FAM13C: variants seen among roughly 807,000 people sequenced by gnomAD.
The protein encoded by FAM13C is protein FAM13C.
In FAM13C, 37 loss-of-function variants were observed where a neutral mutation model predicts 73.2. The observed-to-expected ratio is 0.51, with a 90% CI of 0.39 to 0.67. FAM13C has a LOEUF of 0.67. Among genes scored for constraint, FAM13C ranks in the 30% least tolerant of loss-of-function variants. The pLI, the probability that FAM13C is intolerant of heterozygous loss-of-function variation, is 0.00. For missense variants in FAM13C, 589 were observed against 715.6 expected (o/e 0.82, Z 2.02); for synonymous variants, 246 against 260.9 (o/e 0.94, Z 0.55).
chr10:59,327,306 G>A (rs544745178), intron 3 of FAM13C, among the ~76,000 whole-genome samples: 1 of 152,318 alleles, frequency 6.6e-6, no homozygotes, highest in East Asian at 1.9e-4. Flanking sequence ...CAAAGGTCTT[G>A]TGCTGCCAGC....
intron 1 of FAM13C, among the ~76,000 whole-genome samples, chr10:59,357,988 C>T (rs1401871658): frequency 6.6e-6 from 1 of 152,088 alleles, no homozygotes; most frequent in Non-Finnish European, 1.5e-5. Flanking sequence ...AGTCCTCTTC[C>T]CTTAAAATCT....
At chr10:59,288,999 A>G (rs1245501870) in intron 5 of FAM13C, among the ~76,000 whole-genome samples, 1 of 152,068 alleles carries the variant, frequency 6.6e-6, no homozygotes, top group East Asian at 1.9e-4. Context: ...TCTATGAGTA[A>G]TCTACACTAG....
intron 8 of FAM13C, among the ~76,000 whole-genome samples, chr10:59,265,314 GGTTTTGGC>G (rs1842914699): frequency 1.7e-5 from 1 of 59,040 alleles, no homozygotes; most frequent in African/African-American, 6.9e-5. Context: ...ATAGGGAAGG[GGTTTTGGC>G]GGGGGGGGGG....
intron 2 of FAM13C, among the ~76,000 whole-genome samples, chr10:59,355,378 C>T (rs1257136085): frequency 6.6e-6 from 1 of 152,172 alleles, no homozygotes; most frequent in African/African-American, 2.4e-5. Context: ...AGCTATCATT[C>T]CTAAGTGTCA....
At chr10:59,251,011 T>TA (rs1419527985) in intron 13 of FAM13C, among the ~76,000 whole-genome samples, 1 of 152,078 alleles carries the variant, frequency 6.6e-6, no homozygotes, top group Non-Finnish European at 1.5e-5. Flanking sequence ...AGGAAACTAA[T>TA]AGAGTGTATA....
intron 8 of FAM13C, among the ~76,000 whole-genome samples, chr10:59,265,309 G>A (rs1842908436): frequency 8.0e-6 from 1 of 125,634 alleles, no homozygotes; most frequent in Non-Finnish European, 1.6e-5. Flanking sequence ...GAGGGATAGG[G>A]AAGGGGTTTT....
Position 59,268,639 on chromosome 10 carries a change from T to C in FAM13C, c.856A>G (p.Ile286Val), listed in dbSNP as rs760258366. The change falls in exon 8 of 14, where the codon ATC (isoleucine) becomes GTC (valine). Residue 286 changes from isoleucine (I) to valine (V), a missense_variant. By Grantham distance (29) the Ile-to-Val change is conservative (BLOSUM62 3). Coordinates refer to ENST00000618804, the MANE Select transcript of FAM13C (RefSeq NM_198215.4). ...TGGATGTGCTTGGTGAGCTGGGTGA[T>C]GGTCTGTGGCTCCTTGCCATCTCCA... is the stretch of plus-strand genomic sequence containing the variant. ...SCGDGKEPQT[I>V]TQLTKHIQSL... 2 of 1,613,552 alleles carry C rather than the reference T, an allele frequency of 1.2e-6. No individual in the cohort carries two copies. Among genetic ancestry groups the C allele is most frequent in the South Asian group, 1.1e-5 (1 of 91,052 alleles).
At chr10:59,317,903 C>T (rs1487621728) in intron 4 of FAM13C, among the ~76,000 whole-genome samples, 3 of 151,538 alleles carry the variant, frequency 2.0e-5, no homozygotes, top group Non-Finnish European at 2.9e-5. Flanking sequence ...CCTTCCCCCA[C>T]CCCACAACAG....
chr10:59,261,604 C>T (rs1842509277), intron 10 of FAM13C, among the ~76,000 whole-genome samples: 1 of 151,892 alleles, frequency 6.6e-6, no homozygotes, highest in Non-Finnish European at 1.5e-5. Context: ...ATAGTGCTTC[C>T]ATGTAAGAAG....
intron 10 of FAM13C, among the ~76,000 whole-genome samples, chr10:59,260,484 G>C (rs1378584129): frequency 1.3e-5 from 2 of 152,118 alleles, no homozygotes; most frequent in African/African-American, 4.8e-5. Context: ...TCCATCTGTT[G>C]AGAATGTTTT....
chr10:59,338,043 A>T (rs896679985), intron 3 of FAM13C, among the ~76,000 whole-genome samples: 8 of 152,190 alleles, frequency 5.3e-5, no homozygotes, highest in Non-Finnish European at 1.0e-4. Flanking sequence ...CCATACTAAC[A>T]GCTAACATTC....
At chr10:59,344,145 G>A (rs1163434683) in intron 3 of FAM13C, among the ~76,000 whole-genome samples, 1 of 148,134 alleles carries the variant, frequency 6.8e-6, no homozygotes, top group African/African-American at 2.5e-5. Context: ...TGTGTTTTTA[G>A]TAGAGATGGG....
At chr10:59,280,633 G>A (rs1844820066) in intron 6 of FAM13C, among the ~76,000 whole-genome samples, 1 of 152,206 alleles carries the variant, frequency 6.6e-6, no homozygotes. Flanking sequence ...GGATGCCAGA[G>A]AATCTCCACA....
intron 4 of FAM13C, 106 bp downstream of exon 4, chr10:59,323,882 A>G: frequency 1.0e-6 from 1 of 981,550 alleles, no homozygotes; most frequent in Middle Eastern, 2.1e-4. Context: ...AAGGAATGCC[A>G]GCAAAAGTCA....
At chr10:59,266,733 C>A (rs376029879) in intron 8 of FAM13C, among the ~76,000 whole-genome samples, 17 of 152,260 alleles carry the variant, frequency 1.1e-4, no homozygotes, top group African/African-American at 3.8e-4. Context: ...AAACTCTAGA[C>A]AAAGGCAGAA....
chr10:59,357,916 A>C (rs1481052005), intron 1 of FAM13C, among the ~76,000 whole-genome samples: 1 of 152,214 alleles, frequency 6.6e-6, no homozygotes, highest in Non-Finnish European at 1.5e-5. Context: ...ATATGAAATA[A>C]TTTAACATTT....
chr10:59,290,649 C>A (rs1846112092), intron 5 of FAM13C, among the ~76,000 whole-genome samples: 3 of 152,142 alleles, frequency 2.0e-5, no homozygotes. Context: ...AGCAGGGGGC[C>A]CCCTAGTGTC....
chr10:59,274,104 G>T (rs926503762), intron 6 of FAM13C, among the ~76,000 whole-genome samples: 1 of 152,102 alleles, frequency 6.6e-6, no homozygotes, highest in African/African-American at 2.4e-5. Flanking sequence ...TTCTAATGAG[G>T]TTCAGGCCTT....
intron 5 of FAM13C, among the ~76,000 whole-genome samples, chr10:59,288,071 C>T (rs189165704): frequency 1.6e-4 from 24 of 152,304 alleles, no homozygotes; most frequent in Admixed American, 5.9e-4. Context: ...GTGTTTGGAA[C>T]GGAACCAAAT....
Sources: gnomAD v4.1 joint callset for allele counts (sites outside exome capture counted in the v4.1 genomes callset) on GRCh38, gnomAD v4.1.1 for gene constraint, MANE v1.5 for transcripts, NCBI Gene and HGNC (gene_info 2026-07-23, HGNC 2026-07-21) for gene names.